The following MYH7B variants were observed in gnomAD, a reference collection of about 807,000 sequenced individuals.
MYH7B encodes myosin-7B.
MYH7B carries 205 observed loss-of-function variants against 234.5 expected under a neutral mutation model. That is an observed-to-expected ratio of 0.87 (90% CI 0.78 to 0.98). The LOEUF (loss-of-function observed/expected upper bound fraction) is 0.98, where lower values mean the gene tolerates loss of function less well. MYH7B is among the 50% of genes least tolerant of loss of function. The pLI is 0.00. For missense variants in MYH7B, 2,652 were observed against 2,633.4 expected (o/e 1.01, Z -0.15); for synonymous variants, 1,193 against 1,105.0 (o/e 1.08, Z -1.58).
chr20:35,001,659 C>A, intron 43 of MYH7B, 133 bp downstream of exon 43: 1 of 866,792 alleles, frequency 1.2e-6, no homozygotes, highest in Non-Finnish European at 1.8e-6. Flanking sequence ...AAGCTTCTAA[C>A]ATCTCTGGGG....
At chr20:34,975,849 G>A (rs1378588251) in intron 3 of MYH7B, among the ~76,000 whole-genome samples, 1 of 152,168 alleles carries the variant, frequency 6.6e-6, no homozygotes, top group Non-Finnish European at 1.5e-5. Flanking sequence ...CAGAGTAGCT[G>A]GGACTACAGG....
Position 35,000,520 on chromosome 20 carries a change from TGGCAGCTGAGCTCCAC to T in MYH7B, c.5011_5026del (p.Ala1671SerfsTer56). 2.5e-6 allele frequency: 4 copies of T among 1,594,572 alleles called. No homozygotes were observed. Among genetic ancestry groups the T allele is most frequent in the Non-Finnish European group, 3.4e-6 (4 of 1,176,380 alleles). On this transcript the variant is annotated frameshift_variant, in exon 39 of 45. Coordinates refer to ENST00000262873, the Ensembl canonical transcript of MYH7B. LOFTEE classifies it high-confidence loss of function. ...GCAGGGCGGGACGAGGAGCAGCGGC[TGGCAGCTGAGCTCCAC>T]GAGCAGGCGCAGGCTCTGGAGCGCC...
exon 36 of MYH7B, chr20:34,999,346 G>A (rs1333111023): frequency 6.4e-7 from 1 of 1,552,082 alleles, no homozygotes; most frequent in Non-Finnish European, 8.7e-7. Context: ...CTGCGGCACG[G>A]CCACGAGGAG....
intron 27 of MYH7B, among the ~76,000 whole-genome samples, chr20:34,995,044 A>G (rs868546420): frequency 1.3e-5 from 2 of 152,164 alleles, no homozygotes; most frequent in South Asian, 2.1e-4. Context: ...GCCCCTCGGA[A>G]GGCCTCAGCC....
intron 8 of MYH7B, 108 bp from the exon 9 acceptor site, chr20:34,980,925 T>G (rs1004512240): frequency 6.5e-7 from 1 of 1,541,908 alleles, no homozygotes; most frequent in African/African-American, 1.4e-5. Flanking sequence ...TCCTTCCCAT[T>G]CCTGGCTCTG....
intron 9 of MYH7B, chr20:34,981,306 C>A: frequency 2.1e-6 from 1 of 473,086 alleles, no homozygotes; most frequent in Non-Finnish European, 3.7e-6. Flanking sequence ...ACCAGCCCCA[C>A]ACCTCCTCTC....
chr20:34,999,972 T>C, intron 38 of MYH7B, 66 bp downstream of exon 38: 1 of 1,412,410 alleles, frequency 7.1e-7, no homozygotes, highest in Non-Finnish European at 9.9e-7. Context: ...GTGTGTACTC[T>C]GCTCTCTAGT....
intron 16 of MYH7B, 100 bp from the exon 17 acceptor site, chr20:34,987,457 C>T (rs1356869133): frequency 7.1e-6 from 10 of 1,403,984 alleles, no homozygotes; most frequent in Middle Eastern, 2.2e-4. Context: ...CTGAACTTGA[C>T]CCCTCTTAAC....
chr20:34,985,406 G>C (rs2082002490), intron 13 of MYH7B, among the ~76,000 whole-genome samples: 1 of 152,116 alleles, frequency 6.6e-6, no homozygotes, highest in Non-Finnish European at 1.5e-5. Flanking sequence ...ACCTGAGGAT[G>C]GAGACCCAAA....
At chr20:34,984,641 C>T (rs767299192) in intron 10 of MYH7B, 51 bp from the exon 11 acceptor site, 3 of 1,547,434 alleles carry the variant, frequency 1.9e-6, no homozygotes, top group Non-Finnish European at 2.6e-6. Flanking sequence ...CCACCCCGCC[C>T]TTCCCCACCG....
chr20:34,982,642 T>C, intron 10 of MYH7B, 87 bp downstream of exon 10: 1 of 1,183,278 alleles, frequency 8.5e-7, no homozygotes, highest in Non-Finnish European at 1.2e-6. Flanking sequence ...TTTCCCCCTT[T>C]TTAAAAATTT....
intron 9 of MYH7B, 124 bp downstream of exon 9, chr20:34,981,184 G>C (rs1039375568): frequency 6.5e-6 from 8 of 1,233,394 alleles, no homozygotes; most frequent in Non-Finnish European, 9.3e-6. Flanking sequence ...ACCACCTGGA[G>C]CTAGTGTCCC....
chr20:34,968,887 G>T (rs1281880034), intron 2 of MYH7B, among the ~76,000 whole-genome samples: 4 of 152,256 alleles, frequency 2.6e-5, no homozygotes, highest in African/African-American at 9.6e-5. Flanking sequence ...CAAGGGGCTG[G>T]GGGCGGGACT....
chr20:34,984,617 G>T (rs373990785), intron 10 of MYH7B, 75 bp from the exon 11 acceptor site: 3 of 1,405,862 alleles, frequency 2.1e-6, no homozygotes, highest in African/African-American at 2.9e-5. Flanking sequence ...GCTGCCTCCC[G>T]CTGATACCCT....
exon 44 of MYH7B, chr20:35,001,968 C>G (rs1381904579): frequency 6.2e-7 from 1 of 1,613,564 alleles, no homozygotes; most frequent in Admixed American, 1.7e-5. Flanking sequence ...CCAACACCAA[C>G]CTGGCCAAGT....
At chr20:34,988,695 G>T (rs777755366) in intron 19 of MYH7B, among the ~76,000 whole-genome samples, 92 of 151,952 alleles carry the variant, frequency 6.1e-4, no homozygotes, top group South Asian at 1.2e-3. Context: ...ATTGTACAAA[G>T]AATGGAAGAA....
rs371932502 is a variant in MYH7B at position 34,987,125 on chromosome 20, C to T, written c.1009-24C>T. On this transcript the variant is annotated intron_variant, in intron 15 of 44. Coordinates refer to ENST00000262873, the Ensembl canonical transcript of MYH7B. The stretch of plus-strand genomic sequence containing the variant: ...CTGGAGGAGCCCAGACCTCTCTGAA[C>T]TCGCTTTCCCTGCTGCCCCCCAGCA... 28 of 1,612,706 alleles carry T rather than the reference C, an allele frequency of 1.7e-5. No homozygotes were observed. In the African/African-American group the frequency reaches 2.5e-4, roughly 15 times the overall value.
exon 45 of MYH7B, chr20:35,002,325 CCA>C: frequency 1.1e-6 from 1 of 950,410 alleles, no homozygotes; most frequent in Admixed American, 2.9e-5. Context: ...AACACCACAG[CCA>C]GTTTCCTTCT....
chr20:34,982,677 C>A, intron 10 of MYH7B, 122 bp downstream of exon 10: 1 of 823,374 alleles, frequency 1.2e-6, no homozygotes, highest in Non-Finnish European at 1.8e-6. Context: ...CTGAGCCCTG[C>A]CTGAGCCTCC....
Sources: allele counts gnomAD v4.1 joint callset (sites outside exome capture counted in the v4.1 genomes callset), GRCh38; gene constraint gnomAD v4.1.1; transcripts MANE v1.5; gene names NCBI Gene and HGNC (gene_info 2026-07-23, HGNC 2026-07-21).